ZNF277: variants seen among roughly 807,000 people sequenced by gnomAD.
The protein encoded by ZNF277 is nuclear receptor-interacting factor 4.
A neutral mutation model predicts 60.7 loss-of-function variants in ZNF277; 55 were observed. The observed-to-expected ratio is 0.91, with a 90% CI of 0.73 to 1.13. The LOEUF is 1.13. Ranked by LOEUF, ZNF277 falls within the 50% of genes most tolerant of loss-of-function variation. The probability of loss-of-function intolerance (pLI) is 0.00; values close to 1 mark genes in which losing one functional copy is unlikely to be tolerated. For synonymous variants in ZNF277, 178 were observed against 179.3 expected (o/e 0.99, Z 0.06); for missense variants, 510 against 523.0 (o/e 0.98, Z 0.24).
In ZNF277 at chr7:112,340,938, G is replaced by A. The variant is rs2117148041; in HGVS notation, c.1076G>A (p.Cys359Tyr). Residue 359 changes from cysteine (C) to tyrosine (Y), a missense_variant, in exon 11 of 12, where the codon TGT (cysteine) becomes TAT (tyrosine). Cys to Tyr is a radical substitution (Grantham distance 194). Coordinates refer to ENST00000361822, the MANE Select transcript of ZNF277 (RefSeq NM_021994.3). ...FIRRQVHQCR[C>Y]YGCHVKFKSK... ...CGGAGGCAAGTTCACCAATGCAGATGTTATGGCTGCCATGTGAAGTTCAAA... is the reference window on the plus strand; with the variant it reads ...CGGAGGCAAGTTCACCAATGCAGATATTATGGCTGCCATGTGAAGTTCAAA... 1 of 1,613,052 alleles carries A rather than the reference G, an allele frequency of 6.2e-7. No individual in the cohort carries two copies. Among genetic ancestry groups the A allele is most frequent in the African/African-American group, 1.3e-5 (1 of 75,012 alleles).
intron 1 of ZNF277, among the ~76,000 whole-genome samples, chr7:112,227,190 C>A (rs949403622): frequency 6.6e-6 from 1 of 152,116 alleles, no homozygotes; most frequent in South Asian, 2.1e-4. Flanking sequence ...TTGATCCTTG[C>A]GTGAAATTAG....
chr7:112,300,239 T>C (rs1294847142), intron 4 of ZNF277, among the ~76,000 whole-genome samples: 1 of 150,902 alleles, frequency 6.6e-6, no homozygotes, highest in Non-Finnish European at 1.5e-5. Context: ...GCAAGATTTG[T>C]ATGTGTTCCC....
chr7:112,337,123 C>T (rs898717577), intron 8 of ZNF277, among the ~76,000 whole-genome samples: 8 of 152,064 alleles, frequency 5.3e-5, no homozygotes, highest in African/African-American at 1.9e-4. Context: ...GGCAGTTTTC[C>T]TGGTTTGGGA....
intron 1 of ZNF277, among the ~76,000 whole-genome samples, chr7:112,254,416 A>G (rs947507999): frequency 6.6e-6 from 1 of 152,194 alleles, no homozygotes; most frequent in African/African-American, 2.4e-5. Context: ...TTCAGGAACC[A>G]CTGGTGTACA....
chr7:112,235,670 CTA>C (rs1272943198), intron 1 of ZNF277, among the ~76,000 whole-genome samples: 1 of 151,902 alleles, frequency 6.6e-6, no homozygotes, highest in Non-Finnish European at 1.5e-5. Context: ...TGTATCAGTT[CTA>C]TGATTTTCAG....
At chr7:112,238,309 A>G (rs1483988642) in intron 1 of ZNF277, among the ~76,000 whole-genome samples, 1 of 152,182 alleles carries the variant, frequency 6.6e-6, no homozygotes, top group East Asian at 1.9e-4. Flanking sequence ...TCACAGTGGA[A>G]AGCAACACAG....
intron 1 of ZNF277, among the ~76,000 whole-genome samples, chr7:112,262,864 A>G (rs561215318): frequency 6.6e-6 from 1 of 152,322 alleles, no homozygotes; most frequent in Non-Finnish European, 1.5e-5. Flanking sequence ...AATAATAAAA[A>G]TAGTACAGAG....
In ZNF277 at chr7:112,333,971, G is replaced by C. The variant is rs117469747; in HGVS notation, c.802-2133G>C. On this transcript the variant is annotated intron_variant, in intron 7 of 11. Coordinates refer to ENST00000361822, the MANE Select transcript of ZNF277 (RefSeq NM_021994.3). The stretch of plus-strand genomic sequence containing the variant: ...CTACGATGCTCATGTTTCAAACCCT[G>C]AGTTTTTCTAAAGGGAATTGGTTTT... 3.4e-3 allele frequency among the ~76,000 whole-genome samples: 524 copies of C among 152,200 alleles called. 8 individuals carry two copies. The East Asian group carries it at 0.052, about 15-fold the overall frequency.
chr7:112,277,228 C>G (rs1265699551), intron 1 of ZNF277, among the ~76,000 whole-genome samples: 1 of 151,884 alleles, frequency 6.6e-6, no homozygotes, highest in Non-Finnish European at 1.5e-5. Flanking sequence ...GGACTACAGG[C>G]GCGTGCCACC....
chr7:112,213,103 G>A (rs1341802562), intron 1 of ZNF277, among the ~76,000 whole-genome samples: 1 of 152,092 alleles, frequency 6.6e-6, no homozygotes, highest in East Asian at 1.9e-4. Context: ...GAATCATAGG[G>A]GCAGGTCTTT....
At chr7:112,342,446 C>A in intron 11 of ZNF277, 115 bp from the exon 12 acceptor site, 1 of 873,828 alleles carries the variant, frequency 1.1e-6, no homozygotes, top group Non-Finnish European at 1.6e-6. Context: ...TTGCAAAATG[C>A]TATGAAATTG....
intron 1 of ZNF277, among the ~76,000 whole-genome samples, chr7:112,233,567 A>G (rs1822398936): frequency 6.6e-6 from 1 of 152,214 alleles, no homozygotes; most frequent in Admixed American, 6.5e-5. Context: ...TACTCTTAGC[A>G]TGTCATCATT....
In ZNF277 at chr7:112,305,456, A is replaced by C. The variant is rs576240032; in HGVS notation, c.465+9145A>C. On this transcript the variant is annotated intron_variant, in intron 4 of 11. Transcript: ENST00000361822. ...ACAGTGTTTTGGAAAGTAGATACTC[A>C]AAAGTTATACTGATTGTTTAATTTG... 1.2e-4 allele frequency among the ~76,000 whole-genome samples: 19 copies of C among 152,038 alleles called. 1 individual carries two copies. In the South Asian group the frequency reaches 3.7e-3, roughly 30 times the overall value.
intron 10 of ZNF277, among the ~76,000 whole-genome samples, chr7:112,340,272 G>C (rs904226792): frequency 1.3e-5 from 2 of 152,186 alleles, no homozygotes; most frequent in African/African-American, 4.8e-5. Flanking sequence ...TATGAGGAGT[G>C]AATAATGTAT....
intron 1 of ZNF277, among the ~76,000 whole-genome samples, chr7:112,223,556 A>G (rs1822091293): frequency 1.3e-5 from 2 of 152,206 alleles, no homozygotes; most frequent in South Asian, 4.1e-4. Flanking sequence ...GTCCGGAGCC[A>G]AGATCACAGT....
At chr7:112,311,958 G>C (rs934461417) in intron 4 of ZNF277, among the ~76,000 whole-genome samples, 1 of 152,038 alleles carries the variant, frequency 6.6e-6, no homozygotes, top group Non-Finnish European at 1.5e-5. Flanking sequence ...ATATATGACT[G>C]TCTTCTACCT....
At chr7:112,262,887 A>G (rs1270590319) in intron 1 of ZNF277, among the ~76,000 whole-genome samples, 1 of 152,196 alleles carries the variant, frequency 6.6e-6, no homozygotes, top group Non-Finnish European at 1.5e-5. Flanking sequence ...GTAATAAAAT[A>G]TATATTGTAT....
chr7:112,240,598 T>C (rs1301313587), intron 1 of ZNF277, among the ~76,000 whole-genome samples: 1 of 152,100 alleles, frequency 6.6e-6, no homozygotes, highest in African/African-American at 2.4e-5. Context: ...GCTACTGAGC[T>C]ATGATAACCA....
Position 112,297,129 on chromosome 7 carries a change from G to A in ZNF277, c.465+818G>A, listed in dbSNP as rs558714420. Among the ~76,000 whole-genome samples the A allele has an allele frequency of 2.9e-4, 44 of 150,830 alleles. No individual in the cohort carries two copies. The East Asian group carries it at 4.1e-3, about 14-fold the overall frequency. ...TTTTTAGTAGAGATGGGGTTTCACCGTATTAGCAAGGATGGTCTCGATCTC... is the reference window on the plus strand; with the variant it reads ...TTTTTAGTAGAGATGGGGTTTCACCATATTAGCAAGGATGGTCTCGATCTC... On this transcript the variant is annotated intron_variant, in intron 4 of 11. Coordinates refer to ENST00000361822, the MANE Select transcript of ZNF277 (RefSeq NM_021994.3).
Sources: gnomAD v4.1 joint callset for allele counts (sites outside exome capture counted in the v4.1 genomes callset) on GRCh38, gnomAD v4.1.1 for gene constraint, MANE v1.5 for transcripts, NCBI Gene and HGNC (gene_info 2026-07-23, HGNC 2026-07-21) for gene names.